Variants in C11orf65 observed in about 807,000 individuals in gnomAD.
The protein encoded by C11orf65 is chromosome 11 open reading frame 65.
C11orf65 carries 38 observed loss-of-function variants against 35.3 expected under a neutral mutation model. That is an observed-to-expected ratio of 1.08 (90% CI 0.83 to 1.41). C11orf65 has a LOEUF of 1.41. C11orf65 is among the 40% of genes most tolerant of loss of function. The pLI is 0.00. For synonymous variants in C11orf65, 105 were observed against 114.4 expected (o/e 0.92, Z 0.53); for missense variants, 370 against 367.1 (o/e 1.01, Z -0.06).
At position 108,448,206 on chromosome 11, in the gene C11orf65, C is replaced by G. The variant is rs1181836280; in HGVS notation, c.81+13273G>C. Among the ~76,000 whole-genome samples the G allele has an allele frequency of 5.3e-5, 8 of 152,288 alleles. No individual in the cohort carries two copies. In the East Asian group the frequency reaches 9.6e-4, roughly 18 times the overall value. On this transcript the variant is annotated intron_variant, in intron 2 of 8. Transcript: ENST00000393084. ...TCACAGCTGAATTCTACCAGAGGTA[C>G]AAGGAGGAACTGGTACCATTCCTTC...
chr11:108,461,398 T>TA (rs2093471693), intron 2 of C11orf65, 81 bp downstream of exon 2: 2 of 1,134,988 alleles, frequency 1.8e-6, no homozygotes, highest in Admixed American at 2.1e-5. Flanking sequence ...AGATTCTGTC[T>TA]TAAAAAAAAA....
chr11:108,447,795 T>A (rs11501008), intron 2 of C11orf65, among the ~76,000 whole-genome samples: 30,748 of 151,680 alleles, frequency 0.2, 3,820 homozygotes, highest in African/African-American at 0.34. Context: ...AGAGCAGAAC[T>A]GAAGGAAATA....
chr11:108,428,612 G>A (rs1775687131), intron 3 of C11orf65, among the ~76,000 whole-genome samples: 2 of 152,164 alleles, frequency 1.3e-5, no homozygotes, highest in Non-Finnish European at 2.9e-5. Flanking sequence ...GTTGAACAAT[G>A]AGAACACATG....
At chr11:108,443,152 A>G (rs985857548) in intron 2 of C11orf65, among the ~76,000 whole-genome samples, 1 of 152,104 alleles carries the variant, frequency 6.6e-6, no homozygotes, top group Non-Finnish European at 1.5e-5. Flanking sequence ...AAACAAACAA[A>G]CAAAAAAAGC....
downstream of C11orf65, among the ~76,000 whole-genome samples, chr11:108,380,009 C>T (rs1449320638): frequency 6.6e-6 from 1 of 152,138 alleles, no homozygotes; most frequent in African/African-American, 2.4e-5. Context: ...ATTTGAAAAG[C>T]ACAAGTAAGT....
At chr11:108,414,066 T>G (rs1351188230) in intron 3 of C11orf65, among the ~76,000 whole-genome samples, 9 of 151,806 alleles carry the variant, frequency 5.9e-5, no homozygotes, top group Non-Finnish European at 7.4e-5. Context: ...TAATAAAGAT[T>G]AGAGCAGAAA....
intron 2 of C11orf65, among the ~76,000 whole-genome samples, chr11:108,374,507 C>T (rs1329790776): frequency 6.6e-6 from 1 of 152,048 alleles, no homozygotes; most frequent in Non-Finnish European, 1.5e-5. Context: ...CATCAAAGAC[C>T]AAAAGTAGAT....
intron 2 of C11orf65, among the ~76,000 whole-genome samples, chr11:108,339,538 A>T (rs563281708): frequency 6.6e-6 from 1 of 152,126 alleles, no homozygotes; most frequent in Non-Finnish European, 1.5e-5. Flanking sequence ...TGGTATTCAC[A>T]CAAAATACCC....
rs187495745 is a variant in C11orf65, at chr11:108,317,249, G to T, written c.641-8178C>A. On this transcript the variant is annotated intron_variant, in intron 6 of 6. Coordinates refer to the C11orf65 transcript ENST00000525729. The stretch of plus-strand genomic sequence containing the variant: ...CCACCACACCCAGCTGATATTTTGG[G>T]ATTTTAAATGATATTGTGAACTAAA... 4.2e-5 allele frequency: 43 copies of T among 1,017,892 alleles called. No individual in the cohort carries two copies. In the East Asian group the frequency reaches 1.1e-3, roughly 26 times the overall value. The allele number at this position is 1,017,892 out of a possible 1,614,324, so 63.1% of individuals were successfully genotyped here. A position where few individuals can be genotyped will look rare whatever the true frequency, so the allele number is the denominator to read the frequency against.
intron 2 of C11orf65, among the ~76,000 whole-genome samples, chr11:108,442,062 A>G (rs1325054187): frequency 2.6e-5 from 4 of 152,162 alleles, no homozygotes; most frequent in Admixed American, 2.6e-4. Flanking sequence ...TATCACAAAG[A>G]AGCTAAAAAC....
intron 2 of C11orf65, among the ~76,000 whole-genome samples, chr11:108,371,540 C>G (rs2091576291): frequency 1.3e-5 from 2 of 152,080 alleles, no homozygotes; most frequent in South Asian, 4.1e-4. Flanking sequence ...CAAGGTTCGT[C>G]TATGTTGTAA....
Position 108,326,080 on chromosome 11 carries a change from A to C in C11orf65, c.641-17009T>G. 6.2e-7 allele frequency: 1 copy of C among 1,614,142 alleles called. No homozygotes were observed. Among genetic ancestry groups the C allele is most frequent in the Non-Finnish European group, 8.5e-7 (1 of 1,180,010 alleles). ...CAGCTCCCTGAAAGGGCAATATTTC[A>C]AATTAAACAGTACAATTCAGTTAGC... On this transcript the variant is annotated intron_variant, in intron 6 of 6. Coordinates refer to the C11orf65 transcript ENST00000525729.
intron 6 of C11orf65, chr11:108,317,648 T>TACACACACACACACAC (rs1453200885): frequency 7.5e-6 from 1 of 132,978 alleles, no homozygotes; most frequent in African/African-American, 4.2e-5. Context: ...TATATATATA[T>TACACACACACACACAC]ATATACACAC....
chr11:108,330,776 T>C (rs1277421559), downstream of C11orf65, among the ~76,000 whole-genome samples: 3 of 152,218 alleles, frequency 2.0e-5, no homozygotes, highest in Non-Finnish European at 1.5e-5. Context: ...TTAAAGATGA[T>C]GTGATCACAG....
intron 1 of C11orf65, among the ~76,000 whole-genome samples, chr11:108,465,714 G>A (rs1228873678): frequency 6.6e-6 from 1 of 151,956 alleles, no homozygotes; most frequent in African/African-American, 2.4e-5. Context: ...GCTGGGCGCG[G>A]TGGCTCACGC....
At chr11:108,388,562 G>A (rs909600627) in intron 7 of C11orf65, among the ~76,000 whole-genome samples, 2 of 152,160 alleles carry the variant, frequency 1.3e-5, no homozygotes, top group Non-Finnish European at 2.9e-5. Context: ...CAAAGGAGCA[G>A]CTTCAGATAT....
chr11:108,391,010 C>T (rs1405106019), intron 7 of C11orf65, among the ~76,000 whole-genome samples: 2 of 151,506 alleles, frequency 1.3e-5, no homozygotes, highest in African/African-American at 2.4e-5. Flanking sequence ...CTTGATCATT[C>T]TTCCCCCTTT....
downstream of C11orf65, chr11:108,327,283 C>T (rs927249957): frequency 7.1e-6 from 2 of 281,900 alleles, no homozygotes; most frequent in African/African-American, 4.5e-5. Flanking sequence ...TACCCAACTT[C>T]CTTGTACCTC....
intron 2 of C11orf65, among the ~76,000 whole-genome samples, chr11:108,453,162 AAAG>A (rs1333885656): frequency 2.6e-4 from 38 of 147,606 alleles, no homozygotes; most frequent in African/African-American, 9.0e-4. Context: ...AAAAAAGAAA[AAAG>A]AAAAAAAAAA....
Sources: gnomAD v4.1 joint callset for allele counts (sites outside exome capture counted in the v4.1 genomes callset) on GRCh38, gnomAD v4.1.1 for gene constraint, MANE v1.5 for transcripts, NCBI Gene and HGNC (gene_info 2026-07-23, HGNC 2026-07-21) for gene names.